SMG6: variants seen among roughly 807,000 people sequenced by gnomAD.
The protein encoded by SMG6 is telomerase-binding protein EST1A.
Under a neutral mutation model 142.2 loss-of-function variants are expected in SMG6, and 66 were observed. That is an observed-to-expected ratio of 0.46 (90% CI 0.38 to 0.57). The LOEUF is 0.57. Among genes scored for constraint, SMG6 ranks in the 20% least tolerant of loss-of-function variants. SMG6 has a pLI of 0.00. For missense variants in SMG6, 1,793 were observed against 1,832.0 expected (o/e 0.98, Z 0.39); for synonymous variants, 779 against 702.4 (o/e 1.11, Z -1.72).
At chr17:2,143,985 T>C (rs950087956) in intron 13 of SMG6, among the ~76,000 whole-genome samples, 10 of 151,546 alleles carry the variant, frequency 6.6e-5, no homozygotes, top group Admixed American at 1.3e-4. Context: ...ACTCCTGGAC[T>C]TAAGGGATCC....
intron 8 of SMG6, among the ~76,000 whole-genome samples, chr17:2,248,349 C>G (rs1243818449): frequency 6.6e-6 from 1 of 152,108 alleles, no homozygotes; most frequent in Admixed American, 6.6e-5. Flanking sequence ...AACTAAGAAG[C>G]CGTTCAAGTT....
intron 13 of SMG6, among the ~76,000 whole-genome samples, chr17:2,112,382 T>C (rs974139130): frequency 3.3e-4 from 49 of 150,380 alleles, no homozygotes; most frequent in East Asian, 2.1e-3. Context: ...GTGGCGGGCG[T>C]CTGGAGTCCC....
At position 2,261,678 on chromosome 17, in the gene SMG6, T is replaced by C. The variant is rs79759769; in HGVS notation, c.2662-16959A>G. Among the ~76,000 whole-genome samples, 421 of 152,282 alleles carry C rather than the reference T, an allele frequency of 2.8e-3. 22 individuals are homozygous for C. In the East Asian group the frequency reaches 0.064, roughly 23 times the overall value. Reference sequence around the variant, plus strand: ...AAGCTGTGCAGATGTGTTGATGGTGTATGCTATATCCCCAGTGTACGGATG... The same window carrying C: ...AAGCTGTGCAGATGTGTTGATGGTGCATGCTATATCCCCAGTGTACGGATG... On this transcript the variant is annotated intron_variant, in intron 8 of 18. Transcript: ENST00000263073.
chr17:2,296,071 G>C (rs9902470), intron 4 of SMG6, among the ~76,000 whole-genome samples: 1,742 of 152,236 alleles, frequency 0.011, 32 homozygotes, highest in African/African-American at 0.031. Flanking sequence ...ATTTGCCCAA[G>C]TGACTGGTTC....
At chr17:2,217,599 T>A (rs1468056102) in intron 10 of SMG6, among the ~76,000 whole-genome samples, 1 of 152,012 alleles carries the variant, frequency 6.6e-6, no homozygotes, top group Non-Finnish European at 1.5e-5. Context: ...CAAAGAAATT[T>A]AAAAATATCT....
chr17:2,171,921 A>T (rs1017197163), intron 13 of SMG6, among the ~76,000 whole-genome samples: 1 of 151,920 alleles, frequency 6.6e-6, no homozygotes, highest in Admixed American at 6.6e-5. Context: ...TTCGCTCCCA[A>T]GCTCGGTGGC....
chr17:2,204,844 C>T (rs2072630623), intron 10 of SMG6, among the ~76,000 whole-genome samples: 1 of 152,070 alleles, frequency 6.6e-6, no homozygotes. Context: ...GTGCCTATAA[C>T]CCCAGCTAAT....
intron 8 of SMG6, among the ~76,000 whole-genome samples, chr17:2,254,318 T>C (rs915059367): frequency 6.6e-6 from 1 of 152,144 alleles, no homozygotes; most frequent in South Asian, 2.1e-4. Context: ...CAAGAGCACA[T>C]ACATAAGCTC....
At chr17:2,241,622 C>T (rs1300612102) in intron 9 of SMG6, among the ~76,000 whole-genome samples, 1 of 152,154 alleles carries the variant, frequency 6.6e-6, no homozygotes, top group African/African-American at 2.4e-5. Flanking sequence ...AACTCCTGGG[C>T]TCAGGCGATT....
intron 13 of SMG6, chr17:2,101,236 A>T (rs539821288): frequency 2.0e-5 from 3 of 152,348 alleles, no homozygotes; most frequent in Non-Finnish European, 4.4e-5. Flanking sequence ...GGCTGGGACG[A>T]CAGTCATGCA....
At chr17:2,271,176 G>GCAAT (rs1194960591) in intron 8 of SMG6, among the ~76,000 whole-genome samples, 1 of 148,848 alleles carries the variant, frequency 6.7e-6, no homozygotes. Context: ...GTGCAGTGGT[G>GCAAT]CAATCTTGGC....
intron 16 of SMG6, 101 bp from the exon 17 acceptor site, chr17:2,065,780 A>G (rs2067925298): frequency 1.0e-6 from 1 of 974,582 alleles, no homozygotes. Context: ...CCAGACCAGA[A>G]TCCATCCTTC....
In SMG6 at chr17:2,071,172, T is replaced by C. The variant is rs1427494045; in HGVS notation, c.3682-2241A>G. On this transcript the variant is annotated intron_variant, in intron 15 of 18. Coordinates refer to ENST00000263073, the MANE Select transcript of SMG6 (RefSeq NM_017575.5). This position sits in a 1 kb window ranked among gnomAD's most constrained non-coding sequence, Gnocchi z 5.6. ...TCTGCACTGCGCCTCTGCCTCTGCCTCTGCCCCGCAAGTCCACTACCATCT... is the reference window on the plus strand; with the variant it reads ...TCTGCACTGCGCCTCTGCCTCTGCCCCTGCCCCGCAAGTCCACTACCATCT... Among the ~76,000 whole-genome samples the C allele has an allele frequency of 1.3e-5, 2 of 152,154 alleles. No individual in the cohort carries two copies. Among genetic ancestry groups the C allele is most frequent in the Non-Finnish European group, 2.9e-5 (2 of 68,018 alleles).
At chr17:2,196,246 A>T (rs897576076) in intron 10 of SMG6, among the ~76,000 whole-genome samples, 8 of 152,096 alleles carry the variant, frequency 5.3e-5, no homozygotes, top group African/African-American at 1.9e-4. Flanking sequence ...ACATGGTGAA[A>T]CCCTGTTTCT....
intron 13 of SMG6, among the ~76,000 whole-genome samples, chr17:2,154,957 C>T (rs1435834161): frequency 6.6e-6 from 1 of 151,986 alleles, no homozygotes; most frequent in African/African-American, 2.4e-5. Flanking sequence ...ATCCCTTGAG[C>T]TCAGAAGGTT....
intron 6 of SMG6, among the ~76,000 whole-genome samples, chr17:2,291,289 C>G (rs964142832): frequency 1.2e-4 from 18 of 151,716 alleles, no homozygotes; most frequent in Non-Finnish European, 1.5e-4. Context: ...CGAGATCGCG[C>G]CACTGCACTC....
chr17:2,167,960 T>A (rs1359539439), intron 13 of SMG6, among the ~76,000 whole-genome samples: 1 of 152,100 alleles, frequency 6.6e-6, no homozygotes, highest in Non-Finnish European at 1.5e-5. Flanking sequence ...ACCAAACCCC[T>A]GCACTTAAAA....
chr17:2,111,129 G>A (rs1353818804), intron 13 of SMG6, among the ~76,000 whole-genome samples: 1 of 152,094 alleles, frequency 6.6e-6, no homozygotes, highest in African/African-American at 2.4e-5. Flanking sequence ...CACATGCTAT[G>A]GTGTGGCAGG....
At chr17:2,239,106 T>C (rs1440149219) in intron 9 of SMG6, among the ~76,000 whole-genome samples, 1 of 152,202 alleles carries the variant, frequency 6.6e-6, no homozygotes, top group South Asian at 2.1e-4. Flanking sequence ...GTTTTATGTC[T>C]TTCTCTCTGA....
Sources: gnomAD v4.1 joint callset for allele counts (sites outside exome capture counted in the v4.1 genomes callset) on GRCh38, gnomAD v4.1.1 for gene constraint, Gnocchi (gnomAD v3.1) non-coding constraint, MANE v1.5 for transcripts, NCBI Gene and HGNC (gene_info 2026-07-23, HGNC 2026-07-21) for gene names.